RALYL: variants seen among roughly 807,000 people sequenced by gnomAD.
RALYL encodes the protein RALY RNA binding protein like.
Under a neutral mutation model 35.1 loss-of-function variants are expected in RALYL, and 29 were observed. The ratio of observed to expected loss-of-function variants is 0.83; its 90% confidence interval spans 0.61 to 1.13. The LOEUF (loss-of-function observed/expected upper bound fraction) is 1.13, where lower values mean the gene tolerates loss of function less well. RALYL is among the 50% of genes most tolerant of loss of function. The probability of loss-of-function intolerance (pLI) is 0.00; values close to 1 mark genes in which losing one functional copy is unlikely to be tolerated. For missense variants in RALYL, 359 were observed against 360.4 expected (o/e 1.00, Z 0.03); for synonymous variants, 120 against 127.6 (o/e 0.94, Z 0.40).
At position 84,352,746 on chromosome 8, in the gene RALYL, G is replaced by GT. The variant is rs1448881753; in HGVS notation, c.-24+168324dup. 2.0e-5 allele frequency among the ~76,000 whole-genome samples: 3 copies of GT among 150,174 alleles called. No homozygotes were observed. The East Asian group carries it at 5.8e-4, about 29-fold the overall frequency. On this transcript the variant is annotated intron_variant, in intron 1 of 8. Coordinates refer to ENST00000521268, the MANE Select transcript of RALYL (RefSeq NM_173848.7). ...ATTACAATCCTGTGGGTTAGCTATTGTTATCTTCCTTTTTCACATAATGAA... is the reference window on the plus strand; with the variant it reads ...ATTACAATCCTGTGGGTTAGCTATTGTTTATCTTCCTTTTTCACATAATGAA...
chr8:84,506,292 T>G (rs954263350), intron 1 of RALYL, among the ~76,000 whole-genome samples: 1 of 152,090 alleles, frequency 6.6e-6, no homozygotes, highest in Non-Finnish European at 1.5e-5. Flanking sequence ...GTTAAATAAC[T>G]TTCATAAAGA....
At chr8:84,588,098 G>A (rs953518946) in intron 2 of RALYL, among the ~76,000 whole-genome samples, 1 of 152,130 alleles carries the variant, frequency 6.6e-6, no homozygotes, top group Non-Finnish European at 1.5e-5. Context: ...AAGGTCCAGG[G>A]TGGCATCACT....
chr8:84,920,236 T>C (rs1478448614), intron 8 of RALYL, among the ~76,000 whole-genome samples: 1 of 152,116 alleles, frequency 6.6e-6, no homozygotes, highest in African/African-American at 2.4e-5. Flanking sequence ...GACCTGGAAC[T>C]TGATAGGATT....
At chr8:84,184,755 C>T (rs1812053306) in intron 1 of RALYL, 1 of 410,426 alleles carries the variant, frequency 2.4e-6, no homozygotes, top group South Asian at 5.6e-5. Flanking sequence ...GGCCGGCGGG[C>T]CCTGTAAGTT....
chr8:84,903,604 G>A (rs1317621968), intron 8 of RALYL, among the ~76,000 whole-genome samples: 1 of 152,148 alleles, frequency 6.6e-6, no homozygotes, highest in African/African-American at 2.4e-5. Context: ...ATAAGGATGA[G>A]TAAGATGCTA....
intron 2 of RALYL, among the ~76,000 whole-genome samples, chr8:84,566,169 A>G (rs1375285272): frequency 6.6e-6 from 1 of 151,480 alleles, no homozygotes. Context: ...TGCATAGAAC[A>G]TTTCGTGCTT....
intron 2 of RALYL, among the ~76,000 whole-genome samples, chr8:84,631,070 T>A (rs1823811145): frequency 6.6e-6 from 1 of 152,012 alleles, no homozygotes; most frequent in Non-Finnish European, 1.5e-5. Context: ...AAAAGTGTGA[T>A]CATAAGGAGA....
intron 1 of RALYL, among the ~76,000 whole-genome samples, chr8:84,488,221 C>A (rs900437503): frequency 1.3e-5 from 2 of 152,036 alleles, no homozygotes; most frequent in African/African-American, 4.8e-5. Context: ...GTTGTATGAG[C>A]AGCTTCACCA....
At chr8:84,460,946 C>G (rs1189051274) in intron 1 of RALYL, among the ~76,000 whole-genome samples, 2 of 151,436 alleles carry the variant, frequency 1.3e-5, no homozygotes, top group Non-Finnish European at 3.0e-5. Context: ...TGACATAATG[C>G]AGGCATAGTA....
intron 1 of RALYL, among the ~76,000 whole-genome samples, chr8:84,479,242 C>T (rs1270684469): frequency 1.3e-5 from 2 of 151,550 alleles, no homozygotes; most frequent in African/African-American, 4.8e-5. Flanking sequence ...TTCTGTTCAT[C>T]ATCATTATAC....
chr8:84,704,388 G>C (rs148391144), intron 2 of RALYL, among the ~76,000 whole-genome samples: 1 of 151,336 alleles, frequency 6.6e-6, no homozygotes, highest in Non-Finnish European at 1.5e-5. Context: ...TCGCACAACT[G>C]TACTCCAGCC....
intron 1 of RALYL, among the ~76,000 whole-genome samples, chr8:84,319,561 G>T (rs1844400731): frequency 6.6e-6 from 1 of 152,074 alleles, no homozygotes; most frequent in Non-Finnish European, 1.5e-5. Context: ...TAAAGTTATT[G>T]CAGATACCAG....
chr8:84,569,042 T>C (rs1187168230), intron 2 of RALYL, among the ~76,000 whole-genome samples: 3 of 150,048 alleles, frequency 2.0e-5, no homozygotes, highest in Non-Finnish European at 4.5e-5. Context: ...GCAGAAGCTC[T>C]TTAGTTTAAT....
Position 84,435,681 on chromosome 8 carries a change from A to G in RALYL, c.-23-93618A>G, listed in dbSNP as rs371530405. Among the ~76,000 whole-genome samples the G allele has an allele frequency of 5.3e-5, 8 of 152,202 alleles. No individual in the cohort carries two copies. The East Asian group carries it at 1.4e-3, about 26-fold the overall frequency. ...AACTACATTTGCCTTGTTTGCCAGT[A>G]ATTGAATATTCAGGGTAATCACTAC... On this transcript the variant is annotated intron_variant, in intron 1 of 8. Transcript: ENST00000521268.
chr8:84,373,971 T>A (rs1013207611), intron 1 of RALYL, among the ~76,000 whole-genome samples: 1 of 152,002 alleles, frequency 6.6e-6, no homozygotes, highest in Non-Finnish European at 1.5e-5. Context: ...TTGTGGTAAT[T>A]TTGAATGGGA....
chr8:84,417,526 A>G lies in RALYL; in HGVS notation c.-23-111773A>G, dbSNP rs893506214. Among the ~76,000 whole-genome samples the G allele has an allele frequency of 2.6e-5, 4 of 151,722 alleles. 1 individual carries two copies. The South Asian group carries it at 6.2e-4, about 24-fold the overall frequency. ...AAAGCAAAGAAAGATATCCAGCCCT[A>G]TAGTCTTTTTTTTTTTCTTTTATGA... On this transcript the variant is annotated intron_variant, in intron 1 of 8. Coordinates refer to ENST00000521268, the MANE Select transcript of RALYL (RefSeq NM_173848.7).
intron 1 of RALYL, among the ~76,000 whole-genome samples, chr8:84,324,732 C>T (rs1317318713): frequency 1.3e-5 from 2 of 151,624 alleles, no homozygotes; most frequent in East Asian, 3.9e-4. Flanking sequence ...TCCCTTCCCA[C>T]TCCCACAGAT....
chr8:84,587,116 G>T (rs1032601845), intron 2 of RALYL, among the ~76,000 whole-genome samples: 7 of 152,154 alleles, frequency 4.6e-5, no homozygotes, highest in African/African-American at 1.2e-4. Context: ...GTTATCAAAC[G>T]AACCTACATT....
intron 1 of RALYL, among the ~76,000 whole-genome samples, chr8:84,402,524 C>G (rs144243136): frequency 3.3e-4 from 50 of 152,140 alleles, no homozygotes; most frequent in Non-Finnish European, 6.2e-4. Flanking sequence ...TTAACTGAAA[C>G]AAGACTGGGT....
Sources: gnomAD v4.1 joint callset for allele counts (sites outside exome capture counted in the v4.1 genomes callset) on GRCh38, gnomAD v4.1.1 for gene constraint, MANE v1.5 for transcripts, NCBI Gene and HGNC (gene_info 2026-07-23, HGNC 2026-07-21) for gene names.